Variants in TAF6 observed in about 807,000 individuals in gnomAD.
TAF6 encodes TATA-box binding protein associated factor 6.
TAF6 carries 50 observed loss-of-function variants against 73.5 expected under a neutral mutation model. The ratio of observed to expected loss-of-function variants is 0.68; its 90% CI spans 0.54 to 0.86. The LOEUF (loss-of-function observed/expected upper bound fraction) is 0.86, where lower values mean the gene tolerates loss of function less well. TAF6 is among the 40% of genes least tolerant of loss of function. The pLI, the probability that TAF6 is intolerant of heterozygous loss-of-function variation, is 0.00. For synonymous variants in TAF6, 424 were observed against 376.7 expected (o/e 1.13, Z -1.45); for missense variants, 768 against 899.5 (o/e 0.85, Z 1.87).
the TAF6 span, among the ~76,000 whole-genome samples, chr7:100,126,387 C>T: frequency 1.3e-5 from 2 of 152,086 alleles, no homozygotes; most frequent in African/African-American, 2.4e-5. Flanking sequence ...GCCTGTATTC[C>T]CAGCACTCCA....
chr7:100,118,693 G>C (rs1797885416), intron 1 of TAF6: 1 of 220,674 alleles, frequency 4.5e-6, no homozygotes, highest in African/African-American at 2.3e-5. Flanking sequence ...TGGCACACTT[G>C]CAGTTGGACA....
Position 100,114,197 on chromosome 7 carries a change from TCTC to T in TAF6, c.10_12del (p.Glu4del), listed in dbSNP as rs1797476801. On this transcript the variant is annotated inframe_deletion, in exon 2 of 15. Transcript: ENST00000453269. ...ACAGTGTTGCTAAGCTTCAGCTTCT[TCTC>T]CTCAGCCATTCTGGAGTCCCTCTTC... 1 of 1,614,196 alleles carries T rather than the reference TCTC, an allele frequency of 6.2e-7. No homozygotes were observed. Among genetic ancestry groups the T allele is most frequent in the Non-Finnish European group, 8.5e-7 (1 of 1,180,046 alleles).
chr7:100,118,844 T>G (rs1432264138), intron 1 of TAF6: 5 of 985,108 alleles, frequency 5.1e-6, no homozygotes, highest in East Asian at 1.1e-4. Flanking sequence ...CTTTTATAAG[T>G]CTTATCTATA....
chr7:100,112,836 T>C lies in TAF6; in HGVS notation c.536A>G (p.Lys179Arg). The change falls in exon 6 of 15, where the codon AAG becomes AGG. Residue 179 changes from lysine to arginine, a missense_variant. Around this residue, in one of 5 missense-constraint regions of TAF6, gnomAD observed 269 missense variants for 268.0 expected, o/e 1.00. Transcript: ENST00000453269. ...KPGQEEDGPLKGKGQGATTAD... is the reference protein window; with the variant it reads ...KPGQEEDGPLRGKGQGATTAD... ...TGTGGTGGCCCCTTGACCTTTGCCCTTCAGGGGTCCGTCTTCCTCCTGGCC... is the reference window on the plus strand; with the variant it reads ...TGTGGTGGCCCCTTGACCTTTGCCCCTCAGGGGTCCGTCTTCCTCCTGGCC... 1.2e-6 allele frequency: 2 copies of C among 1,613,888 alleles called. No homozygotes were observed. Among genetic ancestry groups the C allele is most frequent in the Middle Eastern group, 1.7e-4 (1 of 6,060 alleles).
upstream of TAF6, chr7:100,120,491 C>G (rs945688052): frequency 6.6e-6 from 1 of 152,314 alleles, no homozygotes; most frequent in Non-Finnish European, 1.5e-5. Context: ...CCCTGATGCC[C>G]TAGTTTGCTG....
chr7:100,117,267 C>CTTT (rs1181165298), intron 1 of TAF6, among the ~76,000 whole-genome samples: 60 of 105,058 alleles, frequency 5.7e-4, no homozygotes, highest in East Asian at 2.2e-3. Context: ...AGACAGGGCT[C>CTTT]TTTTTTTTTT....
At chr7:100,125,114 C>T in the TAF6 span, 1 of 521,412 alleles carries the variant, frequency 1.9e-6, no homozygotes, top group Non-Finnish European at 3.4e-6. Flanking sequence ...TGAACTCTAT[C>T]CAGCCCCTTA....
rs1176890156 is a variant in TAF6 at position 100,107,137 on chromosome 7, TGAAG to T, written c.*105_*108del. On this transcript the variant is annotated 3_prime_UTR_variant, in exon 15 of 15. Coordinates refer to ENST00000453269, the MANE Select transcript of TAF6 (RefSeq NM_139315.3). ...TACAATATCTAAAAAGAAAGTGACA[TGAAG>T]GAAGCAATCTACAACTTCCTTCCGC... 6.8e-5 allele frequency: 98 copies of T among 1,440,790 alleles called. No homozygotes were observed. Among genetic ancestry groups the T allele is most frequent in the Non-Finnish European group, 8.1e-5 (88 of 1,082,004 alleles). 89.3% of individuals were successfully genotyped at this position (1,440,790 alleles called of 1,614,324 possible). A position where few individuals can be genotyped will look rare whatever the true frequency, so the allele number is the denominator to read the frequency against.
At chr7:100,111,028 C>T in intron 10 of TAF6, 111 bp downstream of exon 10, 1 of 1,289,010 alleles carries the variant, frequency 7.8e-7, no homozygotes, top group South Asian at 1.4e-5. Flanking sequence ...ACCCTTAGAC[C>T]CCCACAAGTT....
intron 10 of TAF6, 122 bp from the exon 11 acceptor site, chr7:100,110,396 G>C (rs1020603230): frequency 3.6e-6 from 4 of 1,116,400 alleles, no homozygotes; most frequent in Admixed American, 3.7e-5. Flanking sequence ...GCCAGACGTG[G>C]TGGCTCACAC....
At chr7:100,108,316 A>G (rs752429381) in intron 13 of TAF6, 51 bp downstream of exon 13, 20 of 1,550,666 alleles carry the variant, frequency 1.3e-5, no homozygotes, top group Non-Finnish European at 1.7e-5. Flanking sequence ...TGTCCCACAC[A>G]GGGGTTCTCC....
At chr7:100,114,518 G>C in intron 1 of TAF6, 1 of 601,788 alleles carries the variant, frequency 1.7e-6, no homozygotes, top group Non-Finnish European at 3.0e-6. Flanking sequence ...TCAGGAATTC[G>C]AGACCAGCCT....
In TAF6 at chr7:100,114,024, A is replaced by G. The variant is rs1454191266; in HGVS notation, c.156+30T>C. ...CGGGGCCCTGGGTGACATGGACCCA[A>G]TGTAGAGCTGGACAGAAGGGCCGGG... On this transcript the variant is annotated intron_variant, in intron 2 of 14. Coordinates refer to ENST00000453269, the MANE Select transcript of TAF6 (RefSeq NM_139315.3). 1.9e-6 allele frequency: 3 copies of G among 1,614,072 alleles called. No individual in the cohort carries two copies. In the East Asian group the frequency reaches 6.7e-5, roughly 36 times the overall value.
chr7:100,124,319 T>C, upstream of TAF6: 2 of 544,534 alleles, frequency 3.7e-6, no homozygotes, highest in Non-Finnish European at 6.6e-6. Flanking sequence ...GACTCAAGAG[T>C]TTAATAATCT....
upstream of TAF6, chr7:100,122,107 A>G (rs1260740704): frequency 2.5e-6 from 2 of 797,342 alleles, no homozygotes; most frequent in Non-Finnish European, 3.9e-6. Context: ...AGATTGCCAC[A>G]CAGCTGCTAA....
upstream of TAF6, chr7:100,121,411 A>G (rs1798066008): frequency 6.6e-6 from 1 of 151,604 alleles, no homozygotes; most frequent in African/African-American, 2.4e-5. Context: ...TGTTGGGATT[A>G]CAGGCATGAG....
At chr7:100,113,492 G>C in intron 4 of TAF6, 87 bp from the exon 5 acceptor site, 1 of 1,530,128 alleles carries the variant, frequency 6.5e-7, no homozygotes, top group Non-Finnish European at 8.8e-7. Context: ...TTCCACTCCT[G>C]CTCCCCTTGC....
chr7:100,107,659 G>A, intron 14 of TAF6, 36 bp from the exon 15 acceptor site: 1 of 1,597,430 alleles, frequency 6.3e-7, no homozygotes, highest in Non-Finnish European at 8.5e-7. Flanking sequence ...CTTGCCCTGT[G>A]CCCTCCCTGC....
intron 12 of TAF6, among the ~76,000 whole-genome samples, chr7:100,109,334 AAAAG>A (rs1796936574): frequency 6.6e-6 from 1 of 151,806 alleles, no homozygotes; most frequent in African/African-American, 2.4e-5. Flanking sequence ...CAAAAAAAAA[AAAAG>A]AAAAGAAAAA....
Sources: allele counts gnomAD v4.1 joint callset (sites outside exome capture counted in the v4.1 genomes callset), GRCh38; gene constraint gnomAD v4.1.1; regional missense constraint gnomAD v4.1.1; transcripts MANE v1.5; gene names NCBI Gene and HGNC (gene_info 2026-07-23, HGNC 2026-07-21).